The following LRPPRC variants were observed in gnomAD, a reference collection of about 807,000 sequenced individuals.
LRPPRC encodes leucine-rich PPR motif-containing protein, mitochondrial.
In LRPPRC, 120 loss-of-function variants were observed where a neutral mutation model predicts 180.3. The observed-to-expected ratio is 0.67, with a 90% CI of 0.57 to 0.77. The LOEUF is 0.77. LRPPRC is among the 30% of genes least tolerant of loss of function. The pLI, the probability that LRPPRC is intolerant of heterozygous loss-of-function variation, is 0.00. For synonymous variants in LRPPRC, 723 were observed against 600.0 expected (o/e 1.21, Z -3.00); for missense variants, 2,012 against 1,657.2 (o/e 1.21, Z -3.72).
intron 30 of LRPPRC, among the ~76,000 whole-genome samples, chr2:43,910,400 A>C (rs537037020): frequency 6.6e-6 from 1 of 152,080 alleles, no homozygotes; most frequent in South Asian, 2.1e-4. Flanking sequence ...ACACACGGCT[A>C]ATTTTTATAT....
At chr2:43,990,504 T>A (rs528703444) in intron 1 of LRPPRC, among the ~76,000 whole-genome samples, 1 of 152,296 alleles carries the variant, frequency 6.6e-6, no homozygotes, top group South Asian at 2.1e-4. Flanking sequence ...CTAACCTACC[T>A]TCTAAGCAAT....
In LRPPRC at chr2:43,889,824, T is replaced by C. The variant is rs2104970538; in HGVS notation, c.4038A>G (p.Ala1346=). Residue 1346 remains alanine, a synonymous_variant, in exon 37 of 38, where the codon GCA becomes GCG. Coordinates refer to ENST00000260665, the MANE Select transcript of LRPPRC (RefSeq NM_133259.4). The stretch of plus-strand genomic sequence containing the variant: ...ACAGATCATCCAATTTTGTATTCTT[T>C]GCAGTCAAATGTTCATACAGTGCTT... ...SAKALYEHLT[A]KNTKLDDLFL... is the part of the protein sequence containing the mutation. 7.5e-6 allele frequency: 12 copies of C among 1,610,108 alleles called. No homozygotes were observed. The highest frequency in any genetic ancestry group is 8.5e-6 in the Non-Finnish European group (10 of 1,176,282).
chr2:43,933,966 A>C (rs1572938245), intron 25 of LRPPRC, among the ~76,000 whole-genome samples: 1 of 152,288 alleles, frequency 6.6e-6, no homozygotes, highest in East Asian at 1.9e-4. Flanking sequence ...AGTGAATTTA[A>C]CAAAGTGAGG....
At chr2:43,966,727 G>C (rs1221264840) in intron 11 of LRPPRC, among the ~76,000 whole-genome samples, 1 of 149,484 alleles carries the variant, frequency 6.7e-6, no homozygotes, top group Non-Finnish European at 1.5e-5. Context: ...TTTTTAAAAA[G>C]GTAACTAGCT....
chr2:43,939,804 C>T (rs953014449), intron 23 of LRPPRC, among the ~76,000 whole-genome samples: 1 of 152,192 alleles, frequency 6.6e-6, no homozygotes, highest in African/African-American at 2.4e-5. Flanking sequence ...TTAAAATTTA[C>T]TCAAACATGC....
chr2:43,889,203 T>C (rs2104968735), intron 37 of LRPPRC, among the ~76,000 whole-genome samples: 1 of 148,712 alleles, frequency 6.7e-6, no homozygotes, highest in East Asian at 2.0e-4. Context: ...TAATCCCAGC[T>C]ACTTGGGAGG....
In LRPPRC at chr2:43,886,732, T is replaced by C. The variant is rs1336243514; in HGVS notation, c.*1868A>G. On this transcript the variant is annotated 3_prime_UTR_variant, in exon 38 of 38. Transcript: ENST00000260665. Reference sequence around the variant, plus strand: ...AAATCCAGATTACACCCCAACGTTATGCCTCACCTTGGAGACCTATTCTAA... The same window carrying C: ...AAATCCAGATTACACCCCAACGTTACGCCTCACCTTGGAGACCTATTCTAA... The C allele has an allele frequency of 2.6e-5, 4 of 152,210 alleles. No homozygotes were observed. The highest frequency in any genetic ancestry group is 7.2e-5 in the African/African-American group (3 of 41,458). The allele number at this position is 152,210 out of a possible 1,614,324, so 9.4% of individuals were successfully genotyped here.
At position 43,896,696 on chromosome 2, in the gene LRPPRC, T is replaced by C. The variant is rs1341770765; in HGVS notation, c.3838A>G (p.Ile1280Val). ...AACAAAATCGGGGTTTGTTCAGCAA[T>C]TGCACCACATCTCTAAAAATTAAAA... Reference protein sequence around the residue: ...ARALLQRCGAIAEQTPILLLF... With the variant: ...ARALLQRCGAVAEQTPILLLF... Residue 1280 changes from isoleucine to valine, a missense_variant, in exon 35 of 38, where the codon ATT becomes GTT. Ile to Val is a conservative substitution (Grantham distance 29). Transcript: ENST00000260665. The C allele has an allele frequency of 4.4e-6, 7 of 1,603,886 alleles. No individual in the cohort carries two copies. In the East Asian group the frequency reaches 6.7e-5, roughly 15 times the overall value.
chr2:43,889,733 CAG>C lies in LRPPRC; in HGVS notation c.4127_4128del (p.Pro1376ArgfsTer4), dbSNP rs1558884456. On this transcript the variant is annotated frameshift_variant and splice_region_variant, in exon 37 of 38. Coordinates refer to ENST00000260665, the MANE Select transcript of LRPPRC (RefSeq NM_133259.4). LOFTEE classifies it high-confidence loss of function. ...TTTCCCCTTAATTAAGAAATACTCA[CAG>C]GGGGTTCAATGAAAGGGACAGGCTC... is the stretch of plus-strand genomic sequence containing the variant. Reference protein sequence around the residue: ...AGEPVPFIEPPESFEFYAQQL... With the variant: ...AGEPVPFIEPXESFEFYAQQL... 1.2e-6 allele frequency: 2 copies of C among 1,610,394 alleles called. No individual in the cohort carries two copies. The highest frequency in any genetic ancestry group is 1.3e-5 in the African/African-American group (1 of 74,962).
intron 14 of LRPPRC, among the ~76,000 whole-genome samples, chr2:43,954,484 T>C: frequency 6.6e-6 from 1 of 152,258 alleles, no homozygotes; most frequent in Non-Finnish European, 1.5e-5. Context: ...GTGGGTACTC[T>C]CATACATTGC....
rs2103736012 is a variant in LRPPRC at position 43,979,926 on chromosome 2, G to T, written c.369C>A (p.Ala123=). The T allele has an allele frequency of 1.2e-6, 2 of 1,613,834 alleles. No homozygotes were observed. Among genetic ancestry groups the T allele is most frequent in the East Asian group, 4.5e-5 (2 of 44,828 alleles). ...CRSGGLGGSH[A]LLLLRSCGSL... ...AACCACAACTACGTAGTAGAAGCAA[G>T]GCATGACTACCACCTAGGCCACCTG... The change falls in exon 3 of 38, where the codon GCC becomes GCA. Residue 123 remains alanine, a synonymous_variant. Transcript: ENST00000260665.
intron 14 of LRPPRC, among the ~76,000 whole-genome samples, chr2:43,954,485 C>G (rs2103638583): frequency 6.6e-6 from 1 of 152,324 alleles, no homozygotes; most frequent in Non-Finnish European, 1.5e-5. Context: ...TGGGTACTCT[C>G]ATACATTGCT....
At chr2:43,967,586 G>C (rs1673617939) in intron 11 of LRPPRC, among the ~76,000 whole-genome samples, 1 of 151,954 alleles carries the variant, frequency 6.6e-6, no homozygotes, top group Admixed American at 6.6e-5. Flanking sequence ...CCCAGCTACT[G>C]GGGAGGCTGA....
At chr2:43,987,220 C>A (rs1480251867) in intron 1 of LRPPRC, among the ~76,000 whole-genome samples, 1 of 152,126 alleles carries the variant, frequency 6.6e-6, no homozygotes, top group Non-Finnish European at 1.5e-5. Flanking sequence ...ATGAGCCGGA[C>A]GCGGTGGCTC....
At chr2:43,918,852 T>G (rs1256459806) in intron 27 of LRPPRC, among the ~76,000 whole-genome samples, 5 of 148,096 alleles carry the variant, frequency 3.4e-5, no homozygotes, top group East Asian at 2.0e-4. Flanking sequence ...TATATAGAGA[T>G]ATATATATAG....
intron 23 of LRPPRC, among the ~76,000 whole-genome samples, chr2:43,936,336 T>G (rs961905738): frequency 6.6e-6 from 1 of 152,168 alleles, no homozygotes; most frequent in Non-Finnish European, 1.5e-5. Context: ...TGTAATAAAG[T>G]GGTGCAATTT....
intron 36 of LRPPRC, among the ~76,000 whole-genome samples, chr2:43,891,618 C>T (rs771317787): frequency 4.6e-5 from 7 of 152,148 alleles, no homozygotes; most frequent in Admixed American, 1.3e-4. Context: ...GTTCTGACTG[C>T]GATGCTGACT....
intron 1 of LRPPRC, 32 bp downstream of exon 1, chr2:43,995,767 A>G: frequency 1.5e-6 from 2 of 1,348,192 alleles, no homozygotes; most frequent in South Asian, 1.9e-5. Flanking sequence ...CTGGCGCCGC[A>G]GCTTGCCTGG....
chr2:43,906,536 C>T (rs531273836), intron 30 of LRPPRC, among the ~76,000 whole-genome samples: 14 of 152,274 alleles, frequency 9.2e-5, no homozygotes, highest in African/African-American at 3.4e-4. Context: ...ACACTGTTTG[C>T]GCATCTCCTG....
Sources: allele counts gnomAD v4.1 joint callset (sites outside exome capture counted in the v4.1 genomes callset), GRCh38; gene constraint gnomAD v4.1.1; transcripts MANE v1.5; gene names NCBI Gene and HGNC (gene_info 2026-07-23, HGNC 2026-07-21).